Variants in TRAPPC9 observed in about 807,000 individuals in gnomAD.
The protein encoded by TRAPPC9 is trafficking protein particle complex subunit 9.
In TRAPPC9, 83 loss-of-function variants were observed where a neutral mutation model predicts 124.0. That is an observed-to-expected ratio of 0.67 (90% CI 0.56 to 0.80). The LOEUF is 0.80. TRAPPC9 is among the 30% of genes least tolerant of loss of function. The pLI is 0.00. For synonymous variants in TRAPPC9, 638 were observed against 617.5 expected, an observed-to-expected ratio of 1.03 and a Z score of -0.49; for missense variants, 1,302 against 1,508.3, an observed-to-expected ratio of 0.86 and a Z score of 2.27.
chr8:139,740,312 C>A (rs907120434), intron 21 of TRAPPC9, among the ~76,000 whole-genome samples: 7 of 152,240 alleles, frequency 4.6e-5, no homozygotes, highest in Non-Finnish European at 1.0e-4. Context: ...TGCTATAGCA[C>A]GTCCAGGCTC....
rs374574244 is a variant in TRAPPC9, at chr8:140,442,901, G to A, written c.585-3704C>T. Among the ~76,000 whole-genome samples the A allele has an allele frequency of 5.7e-4, 86 of 151,144 alleles. No individual in the cohort carries two copies. The East Asian group carries it at 0.014, about 25-fold the overall frequency. ...TGTAATCCCAGCACTATGGGAGGCC[G>A]AGGCAGGCGGATCACAAAGTTAAGA... is the stretch of plus-strand genomic sequence containing the variant. On this transcript the variant is annotated intron_variant, in intron 2 of 22. Transcript: ENST00000438773.
At chr8:140,410,760 G>A (rs1044713339) in intron 5 of TRAPPC9, among the ~76,000 whole-genome samples, 3 of 151,560 alleles carry the variant, frequency 2.0e-5, no homozygotes, top group African/African-American at 4.8e-5. Context: ...GGAGAATGGC[G>A]TGAACACAGG....
Position 140,289,174 on chromosome 8 carries a change from AGTGTGTGTGTGTGTGTGTGTGT to A in TRAPPC9, c.1855-1462_1855-1441del, listed in dbSNP as rs71320349. On this transcript the variant is annotated intron_variant, in intron 12 of 22. Coordinates refer to ENST00000438773, the MANE Select transcript of TRAPPC9 (RefSeq NM_001160372.4). Reference sequence around the variant, plus strand: ...GGCATATGGGTTTAGATATATATATAGTGTGTGTGTGTGTGTGTGTGTGTGTGTGTGTGTGTGTGTGTTCTCA... The same window carrying A: ...GGCATATGGGTTTAGATATATATATAGTGTGTGTGTGTGTGTGTGTTCTCA... 1.4e-3 allele frequency among the ~76,000 whole-genome samples: 201 copies of A among 148,428 alleles called. 2 individuals are homozygous for A. The South Asian group carries it at 0.018, about 13-fold the overall frequency.
chr8:140,141,998 T>C (rs1021783475), intron 17 of TRAPPC9, among the ~76,000 whole-genome samples: 5 of 152,222 alleles, frequency 3.3e-5, no homozygotes, highest in Admixed American at 2.6e-4. Context: ...ACAGGGCTGA[T>C]AGACTCTTCC....
chr8:139,873,663 C>A (rs1015821004), intron 21 of TRAPPC9, among the ~76,000 whole-genome samples: 3 of 152,158 alleles, frequency 2.0e-5, no homozygotes, highest in African/African-American at 7.2e-5. Flanking sequence ...CAGGAGCAGA[C>A]AAGGGTGATG....
intron 17 of TRAPPC9, among the ~76,000 whole-genome samples, chr8:140,036,566 A>G (rs7007900): frequency 0.99 from 150,960 of 152,320 alleles, 74,811 homozygotes; most frequent in Middle Eastern, 1. Context: ...GGTGTGGTAC[A>G]AAGATCCATG....
intron 7 of TRAPPC9, among the ~76,000 whole-genome samples, chr8:140,392,521 T>G (rs1296796370): frequency 6.6e-6 from 1 of 152,196 alleles, no homozygotes; most frequent in African/African-American, 2.4e-5. Context: ...CAGTACCCAT[T>G]TCCCCCTGTA....
intron 11 of TRAPPC9, among the ~76,000 whole-genome samples, chr8:140,291,808 G>A (rs191757364): frequency 2.0e-5 from 3 of 152,340 alleles, no homozygotes; most frequent in Non-Finnish European, 2.9e-5. Flanking sequence ...CTGTGGAGGG[G>A]ACCACATGGC....
At chr8:139,827,479 T>A (rs561599847) in intron 21 of TRAPPC9, among the ~76,000 whole-genome samples, 15 of 152,308 alleles carry the variant, frequency 9.8e-5, no homozygotes, top group African/African-American at 3.4e-4. Context: ...GGTAGCAGCA[T>A]TTAGACGGGG....
intron 1 of TRAPPC9, among the ~76,000 whole-genome samples, chr8:140,453,968 C>T (rs1588388355): frequency 1.3e-5 from 2 of 152,252 alleles, no homozygotes; most frequent in South Asian, 2.1e-4. Flanking sequence ...CGCGGCCCAC[C>T]GCAGGTAACA....
intron 15 of TRAPPC9, among the ~76,000 whole-genome samples, chr8:140,270,083 G>C (rs1001788379): frequency 6.6e-6 from 1 of 151,922 alleles, no homozygotes; most frequent in Admixed American, 6.5e-5. Context: ...CTGGGCAACA[G>C]AGCGAGACTC....
chr8:139,731,052 T>G lies in TRAPPC9; in HGVS notation c.*9A>C. On this transcript the variant is annotated 3_prime_UTR_variant, in exon 23 of 23. Coordinates refer to ENST00000438773, the MANE Select transcript of TRAPPC9 (RefSeq NM_001160372.4). ...GGCCCTGCAGAAAGAGGGACGGAAG[T>G]AGGCGGGCTCAGGCCTGCGCCTCCA... 6.2e-7 allele frequency: 1 copy of G among 1,611,638 alleles called. No individual in the cohort carries two copies. The highest frequency in any genetic ancestry group is 1.1e-5 in the South Asian group (1 of 90,972).
intron 5 of TRAPPC9, among the ~76,000 whole-genome samples, chr8:140,410,141 CAAAAAAAAAAA>C (rs61149910): frequency 0.4 from 28,076 of 70,474 alleles, 3,188 homozygotes; most frequent in Middle Eastern, 0.56. Context: ...ACCTTGTCTC[CAAAAAAAAAAA>C]AAAAAAAAAA....
rs58740567 is a variant in TRAPPC9 at position 139,732,033 on chromosome 8, G to T, written c.3225C>A (p.Tyr1075Ter). ...FQDHQNGVHN[Y>*]DLHDTVSFVG... ...CGAAGGAGACGGTGTCGTGCAGGTC[G>T]TAGTTGTGCACGCCGTTCTGGTGGT... The change falls in exon 22 of 23, where the codon TAC becomes TAA. Residue 1075 changes from tyrosine (Y) to a stop codon, truncating the protein, a stop_gained. Transcript: ENST00000438773. LOFTEE classifies it high-confidence loss of function. 1.1e-5 allele frequency: 18 copies of T among 1,603,912 alleles called. No individual in the cohort carries two copies. The Admixed American group carries it at 2.0e-4, about 18-fold the overall frequency.
intron 21 of TRAPPC9, among the ~76,000 whole-genome samples, chr8:139,858,578 G>T (rs1827941297): frequency 6.6e-6 from 1 of 152,196 alleles, no homozygotes; most frequent in Admixed American, 6.5e-5. Context: ...ATAGGGGACA[G>T]CCAGGAAGGC....
At chr8:139,895,254 C>T (rs573152647) in intron 20 of TRAPPC9, among the ~76,000 whole-genome samples, 13 of 152,298 alleles carry the variant, frequency 8.5e-5, no homozygotes, top group Admixed American at 5.9e-4. Flanking sequence ...CATGCTCCCG[C>T]TTTGCGGTAA....
intron 21 of TRAPPC9, among the ~76,000 whole-genome samples, chr8:139,848,355 A>C (rs1827233087): frequency 6.6e-6 from 1 of 152,194 alleles, no homozygotes; most frequent in Non-Finnish European, 1.5e-5. Flanking sequence ...AAATACACAC[A>C]TGCATGAGAG....
chr8:139,951,763 C>T (rs1378497530), intron 19 of TRAPPC9, among the ~76,000 whole-genome samples: 1 of 152,188 alleles, frequency 6.6e-6, no homozygotes, highest in Admixed American at 6.5e-5. Flanking sequence ...AGAAAAGGGG[C>T]TCACAGAGAT....
chr8:140,109,207 C>T (rs994852255), intron 17 of TRAPPC9, among the ~76,000 whole-genome samples: 9 of 152,076 alleles, frequency 5.9e-5, no homozygotes, highest in African/African-American at 2.2e-4. Flanking sequence ...CAAATGGAGG[C>T]CCCCCTACCT....
Sources: allele counts gnomAD v4.1 joint callset (sites outside exome capture counted in the v4.1 genomes callset), GRCh38; gene constraint gnomAD v4.1.1; transcripts MANE v1.5; gene names NCBI Gene and HGNC (gene_info 2026-07-23, HGNC 2026-07-21).